The following EPB41L3 variants were observed in gnomAD, a reference collection of about 807,000 sequenced individuals.
The protein encoded by EPB41L3 is band 4.1-like protein 3.
A neutral mutation model predicts 127.1 loss-of-function variants in EPB41L3; 57 were observed. The ratio of observed to expected loss-of-function variants is 0.45; its 90% CI spans 0.36 to 0.56. The LOEUF (loss-of-function observed/expected upper bound fraction) is 0.56. EPB41L3 is among the 20% of genes least tolerant of loss of function. The pLI is 0.00. For missense variants in EPB41L3, 1,273 were observed against 1,372.2 expected (o/e 0.93, Z 1.14); for synonymous variants, 572 against 549.5 (o/e 1.04, Z -0.57).
chr18:5,593,750 A>AG (rs1201534126), intron 3 of EPB41L3, among the ~76,000 whole-genome samples: 1 of 152,182 alleles, frequency 6.6e-6, no homozygotes, highest in Non-Finnish European at 1.5e-5. Flanking sequence ...GCCACACCCA[A>AG]GGGGGCCATT....
rs1368682684 is a variant in EPB41L3, at chr18:5,543,615, A to T, written c.-12+298T>A. ...GATCCCAGGGAGGCCCCCAGGCCGGAGGCCGGGGCTCAGGCTCTGCGCGCC... is the reference window on the plus strand; with the variant it reads ...GATCCCAGGGAGGCCCCCAGGCCGGTGGCCGGGGCTCAGGCTCTGCGCGCC... On this transcript the variant is annotated intron_variant, in intron 1 of 22. Coordinates refer to ENST00000341928, the MANE Select transcript of EPB41L3 (RefSeq NM_012307.5). The surrounding 1 kb of genome is among the most constrained non-coding windows in gnomAD (Gnocchi z 5.2). Among the ~76,000 whole-genome samples the T allele has an allele frequency of 6.8e-6, 1 of 146,952 alleles. No homozygotes were observed. The highest frequency in any genetic ancestry group is 1.5e-5 in the Non-Finnish European group (1 of 66,020).
intron 1 of EPB41L3, among the ~76,000 whole-genome samples, chr18:5,540,953 C>A (rs970714976): frequency 6.6e-6 from 1 of 151,824 alleles, no homozygotes; most frequent in East Asian, 1.9e-4. Context: ...GGCGTGGTGG[C>A]GGGCGCCTGT....
chr18:5,475,883 T>C (rs1339933345), intron 3 of EPB41L3, among the ~76,000 whole-genome samples: 4 of 152,094 alleles, frequency 2.6e-5, no homozygotes, highest in Non-Finnish European at 4.4e-5. Flanking sequence ...TGTGCCTTCG[T>C]CAAGTCTTTG....
intron 3 of EPB41L3, among the ~76,000 whole-genome samples, chr18:5,555,847 G>A (rs540096545): frequency 6.6e-6 from 1 of 152,174 alleles, no homozygotes; most frequent in Non-Finnish European, 1.5e-5. Flanking sequence ...CCTCGATGCT[G>A]TAAGTGTTCC....
intron 1 of EPB41L3, among the ~76,000 whole-genome samples, chr18:5,493,282 T>C (rs2148376282): frequency 6.6e-6 from 1 of 152,368 alleles, no homozygotes. Context: ...CTGTCATTTA[T>C]GTGTAAGACA....
chr18:5,557,019 C>A (rs1472490730), intron 3 of EPB41L3, among the ~76,000 whole-genome samples: 3 of 152,116 alleles, frequency 2.0e-5, no homozygotes, highest in Non-Finnish European at 2.9e-5. Context: ...CCTCTGTGGA[C>A]ACATAGCTGC....
In EPB41L3 at chr18:5,397,556, A is replaced by G. The variant is rs2073773558; in HGVS notation, c.2473-130T>C. 8.8e-7 allele frequency: 1 copy of G among 1,138,256 alleles called. No individual in the cohort carries two copies. Among genetic ancestry groups the G allele is most frequent in the African/African-American group, 1.6e-5 (1 of 64,404 alleles). 70.5% of individuals were successfully genotyped at this position (1,138,256 alleles called of 1,614,324 possible). Reference sequence around the variant, plus strand: ...GCTTATAACCAGAAACACTGACGAAAAATATAAATTAGCTTTCATTTCTCC... The same window carrying G: ...GCTTATAACCAGAAACACTGACGAAGAATATAAATTAGCTTTCATTTCTCC... On this transcript the variant is annotated intron_variant, in intron 17 of 22. Transcript: ENST00000341928. The surrounding 1 kb of genome is among the most constrained non-coding windows in gnomAD (Gnocchi z 4.1).
chr18:5,397,265 C>T lies in EPB41L3; in HGVS notation c.2634G>A (p.Gly878=). ...TGAATGCGGGCTGTGCTGCAGCATCCCCGCTGTCTCCCGCCGAGTAAGAAG... is the reference window on the plus strand; with the variant it reads ...TGAATGCGGGCTGTGCTGCAGCATCTCCGCTGTCTCCCGCCGAGTAAGAAG... The part of the protein sequence containing the change: ...GDASYSAGDS[G]DAAAQPAFTG... The change falls in exon 18 of 23, where the codon GGG becomes GGA. Residue 878 remains glycine (G), a synonymous_variant. Transcript: ENST00000341928. This position sits in a 1 kb window ranked among gnomAD's most constrained non-coding sequence, Gnocchi z 4.1. The T allele has an allele frequency of 6.2e-7, 1 of 1,614,120 alleles. No individual in the cohort carries two copies. The highest frequency in any genetic ancestry group is 1.1e-5 in the South Asian group (1 of 91,086).
intron 14 of EPB41L3, among the ~76,000 whole-genome samples, chr18:5,408,331 T>C (rs1378659807): frequency 6.7e-6 from 1 of 148,654 alleles, no homozygotes; most frequent in African/African-American, 2.5e-5. Context: ...TGGAGTGCAA[T>C]GGCGTGATCT....
At chr18:5,485,914 A>C (rs1480785185) in intron 2 of EPB41L3, among the ~76,000 whole-genome samples, 1 of 152,138 alleles carries the variant, frequency 6.6e-6, no homozygotes, top group Non-Finnish European at 1.5e-5. Flanking sequence ...AATACTACCC[A>C]AAGTAATTTA....
chr18:5,622,258 T>C (rs2094871488), intron 1 of EPB41L3, among the ~76,000 whole-genome samples: 1 of 152,194 alleles, frequency 6.6e-6, no homozygotes, highest in Non-Finnish European at 1.5e-5. Flanking sequence ...AAGGTATGCA[T>C]TATATGACAA....
At chr18:5,453,164 G>T (rs1170800570) in intron 3 of EPB41L3, among the ~76,000 whole-genome samples, 1 of 152,240 alleles carries the variant, frequency 6.6e-6, no homozygotes, top group African/African-American at 2.4e-5. Context: ...ACAATAAAAT[G>T]TGTTTGGGTT....
At chr18:5,593,235 C>T (rs1165502686) in intron 3 of EPB41L3, among the ~76,000 whole-genome samples, 1 of 151,440 alleles carries the variant, frequency 6.6e-6, no homozygotes, top group Non-Finnish European at 1.5e-5. Flanking sequence ...GAAATTCAGC[C>T]AGATATCGGG....
chr18:5,548,753 T>TA (rs989477822), upstream of EPB41L3, among the ~76,000 whole-genome samples: 9 of 152,194 alleles, frequency 5.9e-5, no homozygotes, highest in South Asian at 8.3e-4. Context: ...TAAGTAAAAA[T>TA]AAAAAATCCA....
upstream of EPB41L3, among the ~76,000 whole-genome samples, chr18:5,546,309 G>A (rs1263807742): frequency 6.6e-6 from 1 of 152,076 alleles, no homozygotes; most frequent in Non-Finnish European, 1.5e-5. Context: ...GAGGCCGGTG[G>A]ATCACGAGGT....
chr18:5,452,912 G>T (rs2082486037), intron 3 of EPB41L3, among the ~76,000 whole-genome samples: 1 of 152,048 alleles, frequency 6.6e-6, no homozygotes, highest in Non-Finnish European at 1.5e-5. Context: ...TAAATGTCTT[G>T]ATCTCCCCTT....
At chr18:5,602,479 G>A (rs1402192797) in intron 3 of EPB41L3, among the ~76,000 whole-genome samples, 1 of 152,166 alleles carries the variant, frequency 6.6e-6, no homozygotes, top group Non-Finnish European at 1.5e-5. Context: ...GACTGAGACA[G>A]GTCTCATTCT....
intron 1 of EPB41L3, among the ~76,000 whole-genome samples, chr18:5,541,384 T>C (rs1478517926): frequency 2.6e-5 from 4 of 152,144 alleles, no homozygotes; most frequent in Non-Finnish European, 5.9e-5. Context: ...AATTCTAATT[T>C]GTGAATTTTA....
At chr18:5,533,460 AT>A (rs1598741761) in intron 1 of EPB41L3, among the ~76,000 whole-genome samples, 2 of 152,338 alleles carry the variant, frequency 1.3e-5, no homozygotes, top group East Asian at 3.9e-4. Context: ...ACCATTTACC[AT>A]TGATATGAAT....
Sources: allele counts gnomAD v4.1 joint callset (sites outside exome capture counted in the v4.1 genomes callset), GRCh38; gene constraint gnomAD v4.1.1; non-coding constraint Gnocchi (gnomAD v3.1); transcripts MANE v1.5; gene names NCBI Gene and HGNC (gene_info 2026-07-23, HGNC 2026-07-21).